The following PCLO variants were observed in gnomAD, a reference collection of about 807,000 sequenced individuals.
PCLO encodes protein piccolo.
Under a neutral mutation model 427.5 loss-of-function variants are expected in PCLO, and 82 were observed. The ratio of observed to expected loss-of-function variants is 0.19; its 90% confidence interval spans 0.16 to 0.23. The LOEUF is 0.23. Among genes scored for constraint, PCLO ranks in the 10% least tolerant of loss-of-function variants. PCLO has a pLI of 1.00. For missense variants in PCLO, 6,239 were observed against 6,115.9 expected, an observed-to-expected ratio of 1.02 and a Z score of -0.67; for synonymous variants, 2,357 against 2,155.4, an observed-to-expected ratio of 1.09 and a Z score of -2.59.
Position 82,756,417 on chromosome 7 carries a change from A to G in PCLO, c.*2158T>C, listed in dbSNP as rs1427212708. The G allele has an allele frequency of 6.6e-6, 1 of 152,054 alleles. No individual in the cohort carries two copies. Among genetic ancestry groups the G allele is most frequent in the Non-Finnish European group, 1.5e-5 (1 of 68,004 alleles). The allele number at this position is 152,054 out of a possible 1,614,324, so 9.4% of individuals were successfully genotyped here. On this transcript the variant is annotated 3_prime_UTR_variant, in exon 25 of 25. Transcript: ENST00000333891. ...GATTCCACTCTCCCATGCTCATTTGAGAGCAATGTCAATGGTAAATGACAT... is the reference window on the plus strand; with the variant it reads ...GATTCCACTCTCCCATGCTCATTTGGGAGCAATGTCAATGGTAAATGACAT...
chr7:82,879,415 G>A lies in PCLO; in HGVS notation c.13576C>T (p.His4526Tyr). The change falls in exon 10 of 25, where the codon CAT becomes TAT. Residue 4526 changes from histidine to tyrosine, a missense_variant. His to Tyr is a moderately conservative substitution (Grantham distance 83, BLOSUM62 2). Around this residue, in one of 5 missense-constraint regions of PCLO, gnomAD observed 877 missense variants for 925.5 expected, o/e 0.95. Transcript: ENST00000333891. ...ATATAGGCTCCAATTTCTCCACTAT[G>A]TCCCGGGATTTCTTTACCACCCACA... The part of the protein sequence containing the change: ...RIVGGKEIPG[H>Y]SGEIGAYIAK... 6.2e-7 allele frequency: 1 copy of A among 1,608,806 alleles called. No homozygotes were observed. Among genetic ancestry groups the A allele is most frequent in the East Asian group, 2.2e-5 (1 of 44,648 alleles).
At position 82,757,775 on chromosome 7, in the gene PCLO, C is replaced by T. The variant is rs1790348940; in HGVS notation, c.*800G>A. The T allele has an allele frequency of 6.6e-6, 1 of 151,766 alleles. No individual in the cohort carries two copies. Among genetic ancestry groups the T allele is most frequent in the Non-Finnish European group, 1.5e-5 (1 of 67,820 alleles). The allele number at this position is 151,766 out of a possible 1,614,324, so 9.4% of individuals were successfully genotyped here. A position where few individuals can be genotyped will look rare whatever the true frequency, so the allele number is the denominator to read the frequency against. ...ATTATGAAGATTTTGATGGTTTCAACCAAAATTCCAATATTTTATGGGGCA... is the reference window on the plus strand; with the variant it reads ...ATTATGAAGATTTTGATGGTTTCAATCAAAATTCCAATATTTTATGGGGCA... On this transcript the variant is annotated 3_prime_UTR_variant, in exon 25 of 25. Transcript: ENST00000333891.
rs183095002 is a variant in PCLO, at chr7:82,798,242, C to T, written c.15007+3276G>A. Among the ~76,000 whole-genome samples the T allele has an allele frequency of 2.9e-3, 448 of 152,126 alleles. 1 individual carries two copies. The highest frequency in any genetic ancestry group is 0.01 in the Admixed American group (156 of 15,276). ...GTAATCGAGATGAAGTGGAACATTT[C>T]AAGGATCTATAATTTCAAGAAAACT... On this transcript the variant is annotated intron_variant, in intron 22 of 24. Coordinates refer to ENST00000333891, the MANE Select transcript of PCLO (RefSeq NM_033026.6).
intron 24 of PCLO, among the ~76,000 whole-genome samples, chr7:82,759,768 TTATTC>T (rs1464236370): frequency 2.0e-5 from 3 of 152,012 alleles, no homozygotes; most frequent in Non-Finnish European, 4.4e-5. Context: ...ATTTCTACTT[TTATTC>T]CTTGTCTCTA....
intron 3 of PCLO, among the ~76,000 whole-genome samples, chr7:83,025,336 C>T (rs1788464320): frequency 6.6e-6 from 1 of 150,740 alleles, no homozygotes; most frequent in African/African-American, 2.4e-5. Context: ...ATGCGATCAA[C>T]TGGAAGAAAG....
intron 3 of PCLO, among the ~76,000 whole-genome samples, chr7:83,071,887 A>G (rs1789826453): frequency 6.6e-6 from 1 of 152,172 alleles, no homozygotes; most frequent in Non-Finnish European, 1.5e-5. Flanking sequence ...CTGACTTTAG[A>G]GTACAATTCT....
chr7:82,983,484 A>T (rs1250296943), intron 3 of PCLO, among the ~76,000 whole-genome samples: 1 of 150,918 alleles, frequency 6.6e-6, no homozygotes, highest in Non-Finnish European at 1.5e-5. Context: ...TAAGAATTAG[A>T]AATTTGGGAA....
chr7:82,822,258 G>C lies in PCLO; in HGVS notation c.14791+237C>G, dbSNP rs1395756695. On this transcript the variant is annotated intron_variant, in intron 20 of 24. Transcript: ENST00000333891. ...CAAATGCTATGAGCCAGGTTGGATGGATGGTGGAAACAAAGGAGAAACAGC... is the reference window on the plus strand; with the variant it reads ...CAAATGCTATGAGCCAGGTTGGATGCATGGTGGAAACAAAGGAGAAACAGC... 4 of 1,371,056 alleles carry C rather than the reference G, an allele frequency of 2.9e-6. No homozygotes were observed. In the Admixed American group the frequency reaches 1.2e-4, roughly 42 times the overall value. 84.9% of individuals were successfully genotyped at this position (1,371,056 alleles called of 1,614,324 possible).
Position 82,950,320 on chromosome 7 carries a change from T to A in PCLO, c.10268A>T (p.Tyr3423Phe). ...RSSGAKVRGQ[Y>F]DDMGENMTDD... Reference sequence around the variant, plus strand: ...TGTCATATTTTCTCCCATGTCATCATACTGTCCTCGGACTTTAGCTCCAGA... The same window carrying A: ...TGTCATATTTTCTCCCATGTCATCAAACTGTCCTCGGACTTTAGCTCCAGA... Residue 3423 changes from tyrosine (Y) to phenylalanine (F), a missense_variant, in exon 6 of 25, where the codon TAT becomes TTT. Tyr to Phe is a conservative substitution (Grantham distance 22, BLOSUM62 3). Around this residue, in one of 5 missense-constraint regions of PCLO, gnomAD observed 4,677 missense variants for 4,468.4 expected, o/e 1.05. Transcript: ENST00000333891. 1.2e-6 allele frequency: 2 copies of A among 1,613,740 alleles called. No homozygotes were observed. The highest frequency in any genetic ancestry group is 1.7e-6 in the Non-Finnish European group (2 of 1,179,830).
chr7:83,112,219 G>A (rs1295809848), intron 3 of PCLO, among the ~76,000 whole-genome samples: 1 of 151,954 alleles, frequency 6.6e-6, no homozygotes, highest in Non-Finnish European at 1.5e-5. Context: ...CACCACACCT[G>A]GCTAATTTTT....
In PCLO at chr7:83,162,808, G is replaced by A. The variant is rs927991042; in HGVS notation, c.-216C>T. ...CGCTGCCGGTGCCTCCTCCATGTTG[G>A]ACAGCGCCAGGCAACCTTTGCAGAA... On this transcript the variant is annotated 5_prime_UTR_variant, in exon 1 of 25. Transcript: ENST00000333891. The A allele has an allele frequency of 3.3e-6, 2 of 608,002 alleles. No individual in the cohort carries two copies. The highest frequency in any genetic ancestry group is 5.6e-6 in the Non-Finnish European group (2 of 359,426). 37.7% of individuals were successfully genotyped at this position (608,002 alleles called of 1,614,324 possible).
intron 3 of PCLO, among the ~76,000 whole-genome samples, chr7:83,002,213 C>T (rs757745256): frequency 6.6e-6 from 1 of 151,526 alleles, no homozygotes; most frequent in Non-Finnish European, 1.5e-5. Flanking sequence ...TATCTATATT[C>T]CTAACTTCTC....
chr7:83,122,286 C>CTTTTTTTT (rs71074624), intron 3 of PCLO, among the ~76,000 whole-genome samples: 9 of 128,280 alleles, frequency 7.0e-5, no homozygotes, highest in Non-Finnish European at 9.7e-5. Flanking sequence ...CTTTTCTTTT[C>CTTTTTTTT]TTTTTTTTTT....
At chr7:82,821,419 C>A (rs1208834384) in intron 20 of PCLO, 1 of 985,482 alleles carries the variant, frequency 1.0e-6, no homozygotes, top group Non-Finnish European at 1.2e-6. Flanking sequence ...TTTCAAATGC[C>A]AAAATGACAC....
intron 16 of PCLO, among the ~76,000 whole-genome samples, chr7:82,831,669 A>G (rs1792096725): frequency 6.6e-6 from 1 of 152,182 alleles, no homozygotes. Flanking sequence ...TTAATAGAGT[A>G]TCTTAATCAT....
intron 3 of PCLO, among the ~76,000 whole-genome samples, chr7:82,998,336 C>T (rs1263002834): frequency 6.6e-6 from 1 of 151,674 alleles, no homozygotes; most frequent in Admixed American, 6.6e-5. Context: ...GGAAAAGGTG[C>T]CAGGCTGAAA....
At chr7:82,872,302 C>A (rs180959544) in intron 10 of PCLO, among the ~76,000 whole-genome samples, 1 of 151,748 alleles carries the variant, frequency 6.6e-6, no homozygotes, top group Non-Finnish European at 1.5e-5. Flanking sequence ...GGCAAAAAGA[C>A]GAGTCAAATC....
intron 8 of PCLO, among the ~76,000 whole-genome samples, chr7:82,904,983 C>A (rs978871931): frequency 1.3e-5 from 2 of 151,978 alleles, no homozygotes; most frequent in African/African-American, 4.8e-5. Flanking sequence ...ATTAGATGTA[C>A]GAGCTAGATG....
chr7:82,965,105 T>C, intron 4 of PCLO, among the ~76,000 whole-genome samples: 1 of 152,060 alleles, frequency 6.6e-6, no homozygotes, highest in East Asian at 1.9e-4. Context: ...AATGAAAATT[T>C]TCCATTAAAG....
Sources: gnomAD v4.1 joint callset for allele counts (sites outside exome capture counted in the v4.1 genomes callset) on GRCh38, gnomAD v4.1.1 for gene constraint, gnomAD v4.1.1 regional missense constraint, MANE v1.5 for transcripts, NCBI Gene and HGNC (gene_info 2026-07-23, HGNC 2026-07-21) for gene names.